The following ALK variants were observed in gnomAD, a reference collection of about 807,000 sequenced individuals.
ALK encodes ALK receptor tyrosine kinase, also known as ALK tyrosine kinase receptor.
In ALK, 74 loss-of-function variants were observed where a neutral mutation model predicts 163.1. The observed-to-expected ratio is 0.45, with a 90% CI of 0.38 to 0.55. ALK has a LOEUF of 0.55. Ranked by LOEUF, ALK falls within the 20% of genes least tolerant of loss-of-function variation. ALK has a pLI of 0.00. For missense variants in ALK, 2,063 were observed against 2,105.3 expected, an observed-to-expected ratio of 0.98 and a Z score of 0.39; for synonymous variants, 960 against 843.2, an observed-to-expected ratio of 1.14 and a Z score of -2.40.
intron 1 of ALK, among the ~76,000 whole-genome samples, chr2:29,805,767 A>G (rs546325833): frequency 6.6e-6 from 1 of 152,142 alleles, no homozygotes; most frequent in South Asian, 2.1e-4. Context: ...GGTTGATTCC[A>G]TGTCTTGGCT....
intron 3 of ALK, among the ~76,000 whole-genome samples, chr2:29,569,122 A>G (rs1239283703): frequency 1.3e-5 from 2 of 152,116 alleles, no homozygotes; most frequent in African/African-American, 2.4e-5. Flanking sequence ...CCCTCTGGGC[A>G]CTGACTGTTA....
At chr2:29,353,494 T>C (rs1668167933) in intron 5 of ALK, among the ~76,000 whole-genome samples, 1 of 152,192 alleles carries the variant, frequency 6.6e-6, no homozygotes, top group Non-Finnish European at 1.5e-5. Context: ...GAGCTTTTAT[T>C]GCTTTGCCGA....
In ALK at chr2:29,476,549, C is replaced by T. The variant is rs142691811; in HGVS notation, c.1154+55366G>A. Among the ~76,000 whole-genome samples the T allele has an allele frequency of 6.0e-3, 911 of 152,158 alleles. 13 individuals are homozygous for T. The highest frequency in any genetic ancestry group is 0.02 in the African/African-American group (821 of 41,500). On this transcript the variant is annotated intron_variant, in intron 4 of 28. Coordinates refer to ENST00000389048, the MANE Select transcript of ALK (RefSeq NM_004304.5). Reference sequence around the variant, plus strand: ...AAAAACTCCGTGTACCCACAGGCCCCGTGCCTGCAAGAGACAGGGTGTCGG... The same window carrying T: ...AAAAACTCCGTGTACCCACAGGCCCTGTGCCTGCAAGAGACAGGGTGTCGG...
intron 3 of ALK, among the ~76,000 whole-genome samples, chr2:29,590,541 C>T (rs1488702785): frequency 1.3e-5 from 2 of 152,102 alleles, no homozygotes; most frequent in Non-Finnish European, 2.9e-5. Context: ...ACCCTCCACC[C>T]TAGATATCTG....
intron 25 of ALK, among the ~76,000 whole-genome samples, chr2:29,207,484 C>G (rs1325383262): frequency 1.3e-5 from 2 of 152,170 alleles, no homozygotes; most frequent in East Asian, 3.9e-4. Flanking sequence ...CAAAACAAAC[C>G]ACGAGAGGCA....
intron 4 of ALK, among the ~76,000 whole-genome samples, chr2:29,494,067 G>A (rs559381449): frequency 2.0e-5 from 3 of 152,298 alleles, no homozygotes; most frequent in South Asian, 4.1e-4. Flanking sequence ...CCTCCTATGG[G>A]CAATAAGAAG....
chr2:29,736,107 T>G (rs555818204), intron 1 of ALK, among the ~76,000 whole-genome samples: 1 of 152,104 alleles, frequency 6.6e-6, no homozygotes, highest in Admixed American at 6.5e-5. Flanking sequence ...ATGATCAAAC[T>G]CTATATATGT....
chr2:29,844,922 T>C (rs2148397021), intron 1 of ALK, among the ~76,000 whole-genome samples: 1 of 150,970 alleles, frequency 6.6e-6, no homozygotes, highest in East Asian at 2.0e-4. Flanking sequence ...ACACTGCTCA[T>C]CCTACAGAAA....
At chr2:29,696,530 TAAA>T (rs60320646) in intron 2 of ALK, among the ~76,000 whole-genome samples, 1,921 of 103,838 alleles carry the variant, frequency 0.018, 20 homozygotes, top group African/African-American at 0.039. Flanking sequence ...CTTAAAGGAT[TAAA>T]AAAAAAAAAA....
At position 29,696,575 on chromosome 2, in the gene ALK, CT is replaced by C. The variant is rs1678570760; in HGVS notation, c.788-1562del. Among the ~76,000 whole-genome samples, 3 of 145,692 alleles carry C rather than the reference CT, an allele frequency of 2.1e-5. No homozygotes were observed. The South Asian group carries it at 6.7e-4, about 33-fold the overall frequency. On this transcript the variant is annotated intron_variant, in intron 2 of 28. Coordinates refer to ENST00000389048, the MANE Select transcript of ALK (RefSeq NM_004304.5). ...AAAAGAATTCCAGATGGCCTAGGAACTTCAGCATGCTTTGCAGAGGAGGATA... is the reference window on the plus strand; with the variant it reads ...AAAAGAATTCCAGATGGCCTAGGAACTCAGCATGCTTTGCAGAGGAGGATA...
chr2:29,559,797 G>GTGTGTGTGTGTGTT (rs1437698276), intron 3 of ALK, among the ~76,000 whole-genome samples: 30 of 148,208 alleles, frequency 2.0e-4, no homozygotes, highest in African/African-American at 7.1e-4. Flanking sequence ...GTGTGTGTGT[G>GTGTGTGTGTGTGTT]TGTGTATTAG....
chr2:29,651,878 T>C (rs1677047079), intron 3 of ALK, among the ~76,000 whole-genome samples: 1 of 152,182 alleles, frequency 6.6e-6, no homozygotes, highest in African/African-American at 2.4e-5. Flanking sequence ...TACAATAGCC[T>C]CTTGGGAAGT....
At position 29,207,280 on chromosome 2, in the gene ALK, G is replaced by A. The variant is rs2148152298; in HGVS notation, c.3837-8C>T. ...TTTCTATAGTAGCTCGCCCTGTGGG[G>A]AAGGAGAGGAAAACCAAACTAGGAT... On this transcript the variant is annotated splice_polypyrimidine_tract_variant and splice_region_variant and intron_variant, in intron 25 of 28. Transcript: ENST00000389048. 1 of 1,612,452 alleles carries A rather than the reference G, an allele frequency of 6.2e-7. No individual in the cohort carries two copies. The highest frequency in any genetic ancestry group is 8.5e-7 in the Non-Finnish European group (1 of 1,178,442).
chr2:29,610,307 G>A (rs935477487), intron 3 of ALK, among the ~76,000 whole-genome samples: 8 of 152,050 alleles, frequency 5.3e-5, no homozygotes, highest in East Asian at 1.9e-4. Flanking sequence ...AATGATTCCC[G>A]GCTGCTTGTC....
chr2:29,236,217 GCCT>G (rs1417105982), intron 13 of ALK, among the ~76,000 whole-genome samples: 1 of 152,146 alleles, frequency 6.6e-6, no homozygotes, highest in African/African-American at 2.4e-5. Context: ...CCCTGGACTT[GCCT>G]CCTCATCTGG....
intron 1 of ALK, among the ~76,000 whole-genome samples, chr2:29,737,063 T>G (rs1293878999): frequency 1.3e-5 from 2 of 152,188 alleles, no homozygotes; most frequent in Non-Finnish European, 2.9e-5. Context: ...TAAAATAAAA[T>G]CTTATCCAGT....
At chr2:29,626,061 C>A (rs956806134) in intron 3 of ALK, among the ~76,000 whole-genome samples, 1 of 152,260 alleles carries the variant, frequency 6.6e-6, no homozygotes, top group Non-Finnish European at 1.5e-5. Flanking sequence ...AGAAGCCACA[C>A]AGGGCTCTAA....
intron 4 of ALK, among the ~76,000 whole-genome samples, chr2:29,470,687 T>G (rs1174349576): frequency 1.4e-4 from 1 of 7,084 alleles, no homozygotes; most frequent in Non-Finnish European, 5.9e-4. Context: ...ACAGCTGAAT[T>G]TTTTTTTTTT....
chr2:29,586,827 A>G (rs62131139), intron 3 of ALK, among the ~76,000 whole-genome samples: 1 of 152,252 alleles, frequency 6.6e-6, no homozygotes, highest in Non-Finnish European at 1.5e-5. Flanking sequence ...TCTTTCTACC[A>G]GATTCCAATT....
Sources: allele counts gnomAD v4.1 joint callset (sites outside exome capture counted in the v4.1 genomes callset), GRCh38; gene constraint gnomAD v4.1.1; transcripts MANE v1.5; gene names NCBI Gene and HGNC (gene_info 2026-07-23, HGNC 2026-07-21).